DENND4C: variants seen among roughly 807,000 people sequenced by gnomAD.
DENND4C encodes DENN domain containing 4C, also known as DENN domain-containing protein 4C.
A neutral mutation model predicts 203.0 loss-of-function variants in DENND4C; 108 were observed. That is an observed-to-expected ratio of 0.53 (90% CI 0.46 to 0.62). The LOEUF (loss-of-function observed/expected upper bound fraction) is 0.62, where lower values mean the gene tolerates loss of function less well. DENND4C is among the 20% of genes least tolerant of loss of function. The pLI, the probability that DENND4C is intolerant of heterozygous loss-of-function variation, is 0.00. For missense variants in DENND4C, 2,481 were observed against 2,301.2 expected (o/e 1.08, Z -1.60); for synonymous variants, 871 against 792.4 (o/e 1.10, Z -1.67).
At chr9:19,342,866 T>G in intron 22 of DENND4C, 87 bp downstream of exon 22, 1 of 1,171,236 alleles carries the variant, frequency 8.5e-7, no homozygotes, top group East Asian at 3.0e-5. Flanking sequence ...ATTTTTGACT[T>G]AATTGTAATG....
Position 19,332,201 on chromosome 9 carries a change from G to T in DENND4C, c.2460+17G>T. The T allele has an allele frequency of 6.2e-7, 1 of 1,606,792 alleles. No homozygotes were observed. Among genetic ancestry groups the T allele is most frequent in the South Asian group, 1.1e-5 (1 of 90,474 alleles). ...TTAGATGAGGCAAGTATAACAAATT[G>T]ACATTGTTTCTAAGGTAAATTTTAT... On this transcript the variant is annotated intron_variant, in intron 17 of 32. Coordinates refer to ENST00000434457, the MANE Select transcript of DENND4C (RefSeq NM_001330640.2).
rs989795536 is a variant in DENND4C at position 19,374,087 on chromosome 9, C to G, written c.*1914C>G. On this transcript the variant is annotated 3_prime_UTR_variant, in exon 33 of 33. Coordinates refer to ENST00000434457, the MANE Select transcript of DENND4C (RefSeq NM_001330640.2). ...TGACCCAACAGAAGTTTGGAATTAC[C>G]TTGCATATAAAAATTGAGGTTGAAT... is the stretch of plus-strand genomic sequence containing the variant. Among the ~76,000 whole-genome samples, 1 of 152,050 alleles carries G rather than the reference C, an allele frequency of 6.6e-6. No individual in the cohort carries two copies. Among genetic ancestry groups the G allele is most frequent in the Admixed American group, 6.6e-5 (1 of 15,260 alleles).
chr9:19,259,137 A>G (rs1315785147), intron 1 of DENND4C, among the ~76,000 whole-genome samples: 2 of 152,154 alleles, frequency 1.3e-5, no homozygotes, highest in African/African-American at 2.4e-5. Flanking sequence ...AAAATATACA[A>G]TAAATTATTG....
At chr9:19,315,915 A>C (rs976618944) in intron 10 of DENND4C, among the ~76,000 whole-genome samples, 1 of 152,172 alleles carries the variant, frequency 6.6e-6, no homozygotes, top group Non-Finnish European at 1.5e-5. Context: ...CATGTTGGCC[A>C]GGCTGGTCTG....
chr9:19,326,723 T>A (rs1377396693), intron 15 of DENND4C, among the ~76,000 whole-genome samples: 1 of 152,078 alleles, frequency 6.6e-6, no homozygotes, highest in Non-Finnish European at 1.5e-5. Flanking sequence ...TACTTGTGTC[T>A]CTTAACAATT....
At chr9:19,365,342 A>C (rs1405746050) in intron 30 of DENND4C, among the ~76,000 whole-genome samples, 1 of 152,160 alleles carries the variant, frequency 6.6e-6, no homozygotes, top group Non-Finnish European at 1.5e-5. Context: ...ATTTGGCAAA[A>C]TCCATCACCC....
chr9:19,349,641 C>T (rs1370952226), intron 23 of DENND4C, among the ~76,000 whole-genome samples: 1 of 151,880 alleles, frequency 6.6e-6, no homozygotes, highest in Non-Finnish European at 1.5e-5. Flanking sequence ...AACTTTCATC[C>T]CGAGTTTAAG....
chr9:19,362,623 A>C (rs1382373340), intron 30 of DENND4C, among the ~76,000 whole-genome samples: 1 of 152,102 alleles, frequency 6.6e-6, no homozygotes, highest in Admixed American at 6.5e-5. Context: ...GACGGGTCTC[A>C]ACTGAGTTGA....
intron 30 of DENND4C, among the ~76,000 whole-genome samples, chr9:19,365,549 GA>G (rs1180782871): frequency 6.6e-6 from 1 of 151,818 alleles, no homozygotes. Context: ...AATTAGTCAA[GA>G]AAAGAAAAGG....
At chr9:19,242,654 CT>C (rs58190075) in intron 1 of DENND4C, among the ~76,000 whole-genome samples, 71,844 of 145,054 alleles carry the variant, frequency 0.5, 17,834 homozygotes, top group East Asian at 0.57. Context: ...CTATTTCTTT[CT>C]TTTTTTTTTT....
intron 1 of DENND4C, among the ~76,000 whole-genome samples, chr9:19,254,304 T>C (rs1827383074): frequency 1.3e-5 from 2 of 152,246 alleles, no homozygotes; most frequent in South Asian, 4.1e-4. Context: ...ATTGTAGCAT[T>C]ATTCACAATA....
chr9:19,324,214 A>C, intron 12 of DENND4C, 148 bp from the exon 13 acceptor site: 1 of 486,794 alleles, frequency 2.1e-6, no homozygotes. Context: ...GATAAGAGAT[A>C]CTCAACCTAT....
chr9:19,244,462 C>T (rs545049676), intron 1 of DENND4C, among the ~76,000 whole-genome samples: 1 of 151,886 alleles, frequency 6.6e-6, no homozygotes, highest in South Asian at 2.1e-4. Context: ...TTGCCTTGGC[C>T]GGGCGTGGTG....
chr9:19,258,147 A>G (rs997916145), intron 1 of DENND4C, among the ~76,000 whole-genome samples: 2 of 151,520 alleles, frequency 1.3e-5, no homozygotes, highest in Non-Finnish European at 2.9e-5. Flanking sequence ...CTATCTATCT[A>G]TCAATCAAGA....
intron 12 of DENND4C, among the ~76,000 whole-genome samples, chr9:19,320,775 T>C (rs1288475167): frequency 6.6e-6 from 1 of 152,236 alleles, no homozygotes; most frequent in Non-Finnish European, 1.5e-5. Context: ...TTACCCTCAC[T>C]CATTCATTGT....
At chr9:19,348,464 A>G (rs1252823507) in intron 23 of DENND4C, among the ~76,000 whole-genome samples, 1 of 152,200 alleles carries the variant, frequency 6.6e-6, no homozygotes, top group African/African-American at 2.4e-5. Flanking sequence ...TTAAAGCTGT[A>G]AGAAGAGTGT....
At chr9:19,311,387 A>C (rs983424792) in intron 10 of DENND4C, among the ~76,000 whole-genome samples, 1 of 152,118 alleles carries the variant, frequency 6.6e-6, no homozygotes, top group Admixed American at 6.5e-5. Flanking sequence ...CGGCCTCCTA[A>C]AGTCCTAGAA....
intron 1 of DENND4C, among the ~76,000 whole-genome samples, chr9:19,241,126 G>T (rs1823591910): frequency 6.6e-6 from 1 of 152,164 alleles, no homozygotes; most frequent in Non-Finnish European, 1.5e-5. Context: ...GTGAATGAAT[G>T]TGAAGGCCTA....
At chr9:19,289,169 A>G (rs866529366) in intron 4 of DENND4C, among the ~76,000 whole-genome samples, 1 of 152,230 alleles carries the variant, frequency 6.6e-6, no homozygotes, top group Non-Finnish European at 1.5e-5. Context: ...CTTTTCTGCC[A>G]TGAAGTGTTT....
Sources: allele counts gnomAD v4.1 joint callset (sites outside exome capture counted in the v4.1 genomes callset), GRCh38; gene constraint gnomAD v4.1.1; transcripts MANE v1.5; gene names NCBI Gene and HGNC (gene_info 2026-07-23, HGNC 2026-07-21).